FCN1: variants seen among roughly 807,000 people sequenced by gnomAD.
FCN1 encodes the protein ficolin 1, also known as ficolin-1.
Under a neutral mutation model 35.6 loss-of-function variants are expected in FCN1, and 42 were observed. The observed-to-expected ratio is 1.18, with a 90% CI of 0.92 to 1.53. The LOEUF is 1.53. Among genes scored for constraint, FCN1 ranks in the 40% most tolerant of loss-of-function variants. The pLI is 0.00. For missense variants in FCN1, 439 were observed against 428.4 expected, an observed-to-expected ratio of 1.02 and a Z score of -0.22; for synonymous variants, 179 against 169.8, an observed-to-expected ratio of 1.05 and a Z score of -0.42.
chr9:134,912,381 C>T (rs1480791349), intron 7 of FCN1, 105 bp downstream of exon 7: 5 of 1,223,306 alleles, frequency 4.1e-6, no homozygotes, highest in Non-Finnish European at 4.5e-6. Flanking sequence ...GCTCAGGGCC[C>T]AATCCCCTGT....
In FCN1 at chr9:134,909,363, C is replaced by T. The variant is rs780334292; in HGVS notation, c.*435G>A. Reference sequence around the variant, plus strand: ...GTGAGGCATGGGGGGATGGGGGAGGCTTGGGGGTGGAGGTGAGGATCGCCC... The same window carrying T: ...GTGAGGCATGGGGGGATGGGGGAGGTTTGGGGGTGGAGGTGAGGATCGCCC... On this transcript the variant is annotated 3_prime_UTR_variant, in exon 9 of 9. Coordinates refer to ENST00000371806, the MANE Select transcript of FCN1 (RefSeq NM_002003.5). The T allele has an allele frequency of 2.1e-5, 27 of 1,286,614 alleles. No homozygotes were observed. The highest frequency in any genetic ancestry group is 2.7e-5 in the Non-Finnish European group (27 of 986,604). 79.7% of individuals were successfully genotyped at this position (1,286,614 alleles called of 1,614,324 possible). A position where few individuals can be genotyped will look rare whatever the true frequency, so the allele number is the denominator to read the frequency against.
chr9:134,914,471 C>T (rs768249900), intron 3 of FCN1, 51 bp from the exon 4 acceptor site: 19 of 1,534,022 alleles, frequency 1.2e-5, no homozygotes, highest in African/African-American at 5.2e-5. Context: ...GTGTGGGCCA[C>T]GGAAAGGCTG....
rs144456509 is a variant in FCN1 at position 134,916,045 on chromosome 9, C to T, written c.217+303G>A. The stretch of plus-strand genomic sequence containing the variant: ...TTTCAGGTGAGAAGGTGGAGGGACA[C>T]AGAGCTTAGAAGTCGTGCCAGTAGC... On this transcript the variant is annotated intron_variant, in intron 2 of 8. Coordinates refer to ENST00000371806, the MANE Select transcript of FCN1 (RefSeq NM_002003.5). Among the ~76,000 whole-genome samples, 229 of 152,330 alleles carry T rather than the reference C, an allele frequency of 1.5e-3. 2 individuals carry two copies. The South Asian group carries it at 0.016, about 11-fold the overall frequency.
At position 134,903,457 on chromosome 9, in the gene FCN1, G is replaced by A. The variant is rs1298009031; in HGVS notation, c.*6341C>T. Among the ~76,000 whole-genome samples the A allele has an allele frequency of 1.3e-5, 2 of 152,062 alleles. No homozygotes were observed. The highest frequency in any genetic ancestry group is 2.9e-5 in the Non-Finnish European group (2 of 67,984). On this transcript the variant is annotated 3_prime_UTR_variant, in exon 9 of 9. Coordinates refer to ENST00000371806, the MANE Select transcript of FCN1 (RefSeq NM_002003.5). ...GTAAGCCAGAAATCAAGAACAGAAA[G>A]ATATCTAGAAAAATCCCAAATAATT... is the stretch of plus-strand genomic sequence containing the variant.
Position 134,916,339 on chromosome 9 carries a change from C to T in FCN1, c.217+9G>A, listed in dbSNP as rs199896191. 4.0e-4 allele frequency: 640 copies of T among 1,608,216 alleles called. 3 individuals are homozygous for T. In the African/African-American group the frequency reaches 7.4e-3, roughly 19 times the overall value. On this transcript the variant is annotated intron_variant, in intron 2 of 8. Coordinates refer to ENST00000371806, the MANE Select transcript of FCN1 (RefSeq NM_002003.5). ...CCATGCCTGGCCTCCCCACCCGGCC[C>T]GCACCTACCTCTCTCTCCAATGACA...
chr9:134,914,699 T>G (rs1001587529), intron 3 of FCN1, 57 bp downstream of exon 3: 14 of 1,259,624 alleles, frequency 1.1e-5, no homozygotes, highest in Non-Finnish European at 1.6e-5. Flanking sequence ...CTCATTTCAT[T>G]ACAGACAGCT....
chr9:134,910,236 T>C (rs546599675), intron 8 of FCN1, among the ~76,000 whole-genome samples, 191 bp from the exon 9 acceptor site: 1 of 152,252 alleles, frequency 6.6e-6, no homozygotes, highest in East Asian at 1.9e-4. Flanking sequence ...CAACCTGGTC[T>C]GGAAATCTCT....
Position 134,908,639 on chromosome 9 carries a change from T to G in FCN1, c.*1159A>C, listed in dbSNP as rs1361959471. On this transcript the variant is annotated 3_prime_UTR_variant, in exon 9 of 9. Transcript: ENST00000371806. ...GATGTGGTGCTGCTGGCTTTGGGGT[T>G]GGGGGAAGGAGTCCGGGCCAATGAA... The G allele has an allele frequency of 1.9e-5, 3 of 153,982 alleles. No individual in the cohort carries two copies. The highest frequency in any genetic ancestry group is 4.3e-5 in the Non-Finnish European group (3 of 69,704). 9.5% of individuals were successfully genotyped at this position (153,982 alleles called of 1,614,324 possible).
At position 134,916,376 on chromosome 9, in the gene FCN1, C is replaced by T; in HGVS notation, c.189G>A (p.Lys63=). The T allele has an allele frequency of 6.2e-7, 1 of 1,614,204 alleles. No homozygotes were observed. The highest frequency in any genetic ancestry group is 8.5e-7 in the Non-Finnish European group (1 of 1,180,026). The change falls in exon 2 of 9, where the codon AAG becomes AAA. Residue 63 remains lysine (K), a synonymous_variant. Coordinates refer to ENST00000371806, the MANE Select transcript of FCN1 (RefSeq NM_002003.5). ...CPGLPGAPGP[K]GEAGVIGERG... is the part of the protein sequence containing the mutation. ...TCTCTCCAATGACACCTGCCTCTCC[C>T]TTTGGCCCTGGGGCCCCGGGCAGCC...
At chr9:134,911,513 T>G (rs1831023077) in intron 7 of FCN1, among the ~76,000 whole-genome samples, 1 of 17,250 alleles carries the variant, frequency 5.8e-5, no homozygotes, top group African/African-American at 1.1e-3. Flanking sequence ...CACAGCTACT[T>G]TTTTTTTTTT....
chr9:134,916,920 C>T (rs1021599376), intron 1 of FCN1, among the ~76,000 whole-genome samples: 17 of 152,210 alleles, frequency 1.1e-4, no homozygotes, highest in Admixed American at 1.1e-3. Flanking sequence ...AATTACTGGG[C>T]TGGAAGGGGC....
Position 134,913,624 on chromosome 9 carries a change from A to T in FCN1, c.308-11T>A, listed in dbSNP as rs1831054883. 1 of 1,600,664 alleles carries T rather than the reference A, an allele frequency of 6.2e-7. No individual in the cohort carries two copies. The highest frequency in any genetic ancestry group is 1.3e-5 in the African/African-American group (1 of 74,570). On this transcript the variant is annotated splice_polypyrimidine_tract_variant and intron_variant, in intron 4 of 8. Transcript: ENST00000371806. ...ACTGCCCAGCGTCTCCTGTGTGGGG[A>T]GAGGAGACACTTGTCATAAGCTTGA... is the stretch of plus-strand genomic sequence containing the variant.
At chr9:134,911,021 G>T in intron 8 of FCN1, 112 bp downstream of exon 8, 1 of 1,103,994 alleles carries the variant, frequency 9.1e-7, no homozygotes, top group Non-Finnish European at 1.3e-6. Flanking sequence ...CTTCATAGAT[G>T]GAGAAATGGG....
In FCN1 at chr9:134,912,570, A is replaced by G. The variant is rs200075373; in HGVS notation, c.514T>C (p.Trp172Arg). The change falls in exon 7 of 9, where the codon TGG (tryptophan) becomes CGG (arginine). Residue 172 changes from tryptophan to arginine, a missense_variant. Trp to Arg is a moderately radical substitution (Grantham distance 101, BLOSUM62 -3). Transcript: ENST00000371806. ...CCGAAGCCCTGCTTGTATGCGGCCC[A>G]GTCCCGATAGAAGTCCACAGAGCCA... ...MDGSVDFYRD[W>R]AAYKQGFGSQ... is the part of the protein sequence containing the mutation. 23 of 1,614,132 alleles carry G rather than the reference A, an allele frequency of 1.4e-5. No individual in the cohort carries two copies. In the East Asian group the frequency reaches 4.9e-4, roughly 34 times the overall value.
At chr9:134,915,972 TCA>T (rs1258373214) in intron 2 of FCN1, among the ~76,000 whole-genome samples, 24 of 152,174 alleles carry the variant, frequency 1.6e-4, no homozygotes, top group Non-Finnish European at 3.5e-4. Context: ...TCTTTGAGTC[TCA>T]GTTTTCCCAT....
rs899385262 is a variant in FCN1 at position 134,908,884 on chromosome 9, G to A, written c.*914C>T. 31 of 222,424 alleles carry A rather than the reference G, an allele frequency of 1.4e-4. No homozygotes were observed. Among genetic ancestry groups the A allele is most frequent in the African/African-American group, 5.8e-4 (25 of 42,880 alleles). The allele number at this position is 222,424 out of a possible 1,614,324, so 13.8% of individuals were successfully genotyped here. On this transcript the variant is annotated 3_prime_UTR_variant, in exon 9 of 9. Coordinates refer to ENST00000371806, the MANE Select transcript of FCN1 (RefSeq NM_002003.5). ...AAAACTAAAGATTTGTGTGCCGCACGTTGATTCTGCCCCTCTGGCCTTCCT... is the reference window on the plus strand; with the variant it reads ...AAAACTAAAGATTTGTGTGCCGCACATTGATTCTGCCCCTCTGGCCTTCCT...
rs1830961541 is a variant in FCN1, at chr9:134,906,788, T to C, written c.*3010A>G. The C allele has an allele frequency of 6.6e-6, 1 of 152,130 alleles. No homozygotes were observed. The highest frequency in any genetic ancestry group is 6.5e-5 in the Admixed American group (1 of 15,270). 9.4% of individuals were successfully genotyped at this position (152,130 alleles called of 1,614,324 possible). Reference sequence around the variant, plus strand: ...ATTCCTTAATACAAAAGGCATATTTTGGCCAGGCACAGTGTCTCACGCCTG... The same window carrying C: ...ATTCCTTAATACAAAAGGCATATTTCGGCCAGGCACAGTGTCTCACGCCTG... On this transcript the variant is annotated 3_prime_UTR_variant, in exon 9 of 9. Transcript: ENST00000371806.
At position 134,904,012 on chromosome 9, in the gene FCN1, C is replaced by G. The variant is rs4612437; in HGVS notation, c.*5786G>C. On this transcript the variant is annotated 3_prime_UTR_variant, in exon 9 of 9. Transcript: ENST00000371806. ...AAGAATACAAATCCAGAAACTAGAA[C>G]AAGAGACATATGAGACACGAGCAAA... 0.067 allele frequency among the ~76,000 whole-genome samples: 10,242 copies of G among 152,140 alleles called. 1,136 individuals carry two copies. Among genetic ancestry groups the G allele is most frequent in the African/African-American group, 0.23 (9,570 of 41,490 alleles).
In FCN1 at chr9:134,906,897, C is replaced by A. The variant is rs2118928799; in HGVS notation, c.*2901G>T. 1.3e-5 allele frequency: 2 copies of A among 152,186 alleles called. No individual in the cohort carries two copies. The highest frequency in any genetic ancestry group is 2.9e-5 in the Non-Finnish European group (2 of 68,022). 9.4% of individuals were successfully genotyped at this position (152,186 alleles called of 1,614,324 possible). A position where few individuals can be genotyped will look rare whatever the true frequency, so the allele number is the denominator to read the frequency against. Reference sequence around the variant, plus strand: ...ACCAGCCTGGCCAACACGGCGAAACCCCATCTCTACTAAAAATACAAAAAA... The same window carrying A: ...ACCAGCCTGGCCAACACGGCGAAACACCATCTCTACTAAAAATACAAAAAA... On this transcript the variant is annotated 3_prime_UTR_variant, in exon 9 of 9. Coordinates refer to ENST00000371806, the MANE Select transcript of FCN1 (RefSeq NM_002003.5).
Sources: gnomAD v4.1 joint callset for allele counts (sites outside exome capture counted in the v4.1 genomes callset) on GRCh38, gnomAD v4.1.1 for gene constraint, MANE v1.5 for transcripts, NCBI Gene and HGNC (gene_info 2026-07-23, HGNC 2026-07-21) for gene names.